The following L3MBTL4 variants were observed in gnomAD, a reference collection of about 807,000 sequenced individuals.
L3MBTL4 encodes the protein L3MBTL histone methyl-lysine binding protein 4.
L3MBTL4 carries 70 observed loss-of-function variants against 84.5 expected under a neutral mutation model. The ratio of observed to expected loss-of-function variants is 0.83; its 90% CI spans 0.68 to 1.01. The LOEUF (loss-of-function observed/expected upper bound fraction) is 1.01. L3MBTL4 is among the 50% of genes least tolerant of loss of function. The probability of loss-of-function intolerance (pLI) is 0.00; values close to 1 mark genes in which losing one functional copy is unlikely to be tolerated. For missense variants in L3MBTL4, 715 were observed against 754.8 expected (o/e 0.95, Z 0.62); for synonymous variants, 274 against 259.8 (o/e 1.05, Z -0.52).
intron 16 of L3MBTL4, among the ~76,000 whole-genome samples, chr18:5,998,158 C>T (rs934668489): frequency 5.9e-5 from 9 of 152,230 alleles, no homozygotes; most frequent in Admixed American, 2.6e-4. Flanking sequence ...GCCCCAAACT[C>T]TCATCCATTA....
intron 4 of L3MBTL4, among the ~76,000 whole-genome samples, chr18:6,267,409 G>A (rs756028589): frequency 2.0e-5 from 3 of 152,296 alleles, no homozygotes; most frequent in East Asian, 1.9e-4. Flanking sequence ...CCATTAGAAC[G>A]CCTAAAGGTT....
At chr18:6,275,554 G>A (rs1333416586) in intron 4 of L3MBTL4, among the ~76,000 whole-genome samples, 2 of 152,178 alleles carry the variant, frequency 1.3e-5, no homozygotes, top group Admixed American at 1.3e-4. Flanking sequence ...TGCTGATGCA[G>A]GCAGGCCTGC....
intron 14 of L3MBTL4, among the ~76,000 whole-genome samples, chr18:6,095,346 G>GTTTTTTTTTTT (rs71370544): frequency 1.6e-5 from 2 of 122,930 alleles, no homozygotes; most frequent in South Asian, 2.6e-4. Context: ...GGGGAACATG[G>GTTTTTTTTTTT]TTTTTTTTTT....
rs184246103 is a variant in L3MBTL4, at chr18:6,109,778, G to A, written c.1200-16250C>T. Among the ~76,000 whole-genome samples the A allele has an allele frequency of 1.9e-4, 29 of 152,242 alleles. No homozygotes were observed. The East Asian group carries it at 4.5e-3, about 23-fold the overall frequency. On this transcript the variant is annotated intron_variant, in intron 14 of 18. Transcript: ENST00000317931. ...GGATCCCTAACAACTATGGGTCCCC[G>A]ATCCTCTCTTTATTTAAAAATGAGA... is the stretch of plus-strand genomic sequence containing the variant.
chr18:6,332,154 T>C (rs1276804016), intron 1 of L3MBTL4, among the ~76,000 whole-genome samples: 1 of 152,154 alleles, frequency 6.6e-6, no homozygotes, highest in Admixed American at 6.6e-5. Context: ...AGGTTTGAAC[T>C]GACATAATTT....
intron 15 of L3MBTL4, among the ~76,000 whole-genome samples, chr18:6,090,591 T>TAC (rs1313768462): frequency 1.2e-4 from 16 of 128,352 alleles, no homozygotes; most frequent in East Asian, 8.1e-4. Flanking sequence ...ATATTATATA[T>TAC]ATACACACAC....
chr18:6,132,539 T>A (rs1339605554), intron 14 of L3MBTL4, among the ~76,000 whole-genome samples: 1 of 152,240 alleles, frequency 6.6e-6, no homozygotes, highest in Admixed American at 6.5e-5. Flanking sequence ...TGCCCCATTC[T>A]TCTCACTATC....
At chr18:6,289,497 T>G (rs2049749507) in intron 4 of L3MBTL4, among the ~76,000 whole-genome samples, 1 of 152,224 alleles carries the variant, frequency 6.6e-6, no homozygotes. Flanking sequence ...AGTTTCAAGT[T>G]TAAAATGTTG....
At chr18:6,303,413 G>A (rs2050431678) in intron 3 of L3MBTL4, among the ~76,000 whole-genome samples, 1 of 152,096 alleles carries the variant, frequency 6.6e-6, no homozygotes, top group Non-Finnish European at 1.5e-5. Context: ...GCACCACTGC[G>A]CCTGGCCAAT....
chr18:6,292,279 G>T (rs1289899456), intron 4 of L3MBTL4, among the ~76,000 whole-genome samples: 3 of 152,012 alleles, frequency 2.0e-5, no homozygotes, highest in African/African-American at 7.2e-5. Context: ...TTAGGTTTGA[G>T]GTTTTGAATT....
At chr18:6,261,224 G>C (rs1483005208) in intron 5 of L3MBTL4, among the ~76,000 whole-genome samples, 1 of 152,170 alleles carries the variant, frequency 6.6e-6, no homozygotes, top group Non-Finnish European at 1.5e-5. Context: ...ACGTTCTTTA[G>C]TGTTTTGGCC....
At chr18:5,996,142 A>G (rs761216015) in intron 16 of L3MBTL4, among the ~76,000 whole-genome samples, 4 of 152,220 alleles carry the variant, frequency 2.6e-5, no homozygotes, top group African/African-American at 4.8e-5. Flanking sequence ...AAATATAGTA[A>G]TTCTCGACAG....
chr18:6,044,472 A>T (rs1254679900), intron 16 of L3MBTL4, among the ~76,000 whole-genome samples: 3 of 151,942 alleles, frequency 2.0e-5, no homozygotes, highest in African/African-American at 7.3e-5. Flanking sequence ...AACGTTGGAG[A>T]CTCCAGCCTC....
intron 13 of L3MBTL4, among the ~76,000 whole-genome samples, chr18:6,142,658 C>T (rs866479880): frequency 2.0e-5 from 3 of 152,084 alleles, no homozygotes; most frequent in African/African-American, 4.8e-5. Flanking sequence ...TGGTGGCCCA[C>T]GCATGTAATC....
intron 8 of L3MBTL4, 79 bp from the exon 9 acceptor site, chr18:6,239,951 A>C: frequency 2.0e-6 from 3 of 1,487,844 alleles, no homozygotes; most frequent in Non-Finnish European, 2.8e-6. Context: ...CAAAACTTCT[A>C]TGTTTAGCAA....
At chr18:6,247,466 ATTTTTTTTTT>A (rs71163266) in intron 5 of L3MBTL4, among the ~76,000 whole-genome samples, 2 of 49,642 alleles carry the variant, frequency 4.0e-5, no homozygotes, top group African/African-American at 1.0e-4. Context: ...CCCTCCTCTG[ATTTTTTTTTT>A]TTTTTTTTTT....
At chr18:6,270,018 T>G (rs2048798563) in intron 4 of L3MBTL4, among the ~76,000 whole-genome samples, 2 of 152,214 alleles carry the variant, frequency 1.3e-5, no homozygotes, top group Non-Finnish European at 2.9e-5. Context: ...CATGGTGATA[T>G]TTCCATTTCA....
intron 16 of L3MBTL4, among the ~76,000 whole-genome samples, chr18:6,033,893 A>G (rs2055969113): frequency 6.6e-6 from 1 of 152,212 alleles, no homozygotes; most frequent in East Asian, 1.9e-4. Flanking sequence ...ATTATTTTAA[A>G]TGCATAGTCT....
At chr18:6,193,213 G>T (rs984671098) in intron 12 of L3MBTL4, among the ~76,000 whole-genome samples, 1 of 151,950 alleles carries the variant, frequency 6.6e-6, no homozygotes, top group Admixed American at 6.6e-5. Flanking sequence ...TTGAAGGATC[G>T]CCTGCATGTG....
Sources: allele counts gnomAD v4.1 joint callset (sites outside exome capture counted in the v4.1 genomes callset), GRCh38; gene constraint gnomAD v4.1.1; transcripts MANE v1.5; gene names NCBI Gene and HGNC (gene_info 2026-07-23, HGNC 2026-07-21).